EFL1: variants seen among roughly 807,000 people sequenced by gnomAD.
The protein encoded by EFL1 is elongation factor-like GTPase 1.
EFL1 carries 76 observed loss-of-function variants against 126.7 expected under a neutral mutation model. The ratio of observed to expected loss-of-function variants is 0.60; its 90% CI spans 0.50 to 0.73. The LOEUF is 0.73. Among genes scored for constraint, EFL1 ranks in the 30% least tolerant of loss-of-function variants. The pLI is 0.00. For missense variants in EFL1, 1,128 were observed against 1,343.2 expected (o/e 0.84, Z 2.50); for synonymous variants, 410 against 448.4 (o/e 0.91, Z 1.08).
Position 82,151,607 on chromosome 15 carries a change from T to C in EFL1, c.2847A>G (p.Pro949=), listed in dbSNP as rs1347106587. Residue 949 remains proline, a synonymous_variant, in exon 18 of 20, where the codon CCA becomes CCG. Transcript: ENST00000268206. ...AGAAAGGTCCATAGCAGTCAGTGAG[T>C]GGAGATTCTCCTTTCTGTGATGTCC... ...EKRTSQKGES[P]LTDCYGPFSG... 1 of 1,614,090 alleles carries C rather than the reference T, an allele frequency of 6.2e-7. No individual in the cohort carries two copies. The highest frequency in any genetic ancestry group is 1.1e-5 in the South Asian group (1 of 91,078).
In EFL1 at chr15:82,241,357, C is replaced by G. The variant is rs370998689; in HGVS notation, c.291G>C (p.Val97=). ...CGGTTGATACTTCTGAGGAAAAGTC[C>G]ACGTGTCCTGGAGAGTCTATCAGAT... ...LINLIDSPGH[V]DFSSEVSTAV... is the part of the protein sequence containing the mutation. The change falls in exon 5 of 20, where the codon GTG becomes GTC. Residue 97 remains valine (V), a synonymous_variant. Coordinates refer to ENST00000268206, the MANE Select transcript of EFL1 (RefSeq NM_024580.6). The G allele has an allele frequency of 2.9e-5, 47 of 1,613,866 alleles. No individual in the cohort carries two copies. Among genetic ancestry groups the G allele is most frequent in the Non-Finnish European group, 3.5e-5 (41 of 1,179,900 alleles).
At chr15:82,206,404 A>AATATGGAAACATATT (rs1377760172) in intron 15 of EFL1, among the ~76,000 whole-genome samples, 2 of 152,170 alleles carry the variant, frequency 1.3e-5, no homozygotes, top group East Asian at 3.8e-4. Flanking sequence ...AAACTCAAGT[A>AATATGGAAACATATT]ATATGGAAAC....
At chr15:82,237,347 G>C (rs907774006) in intron 7 of EFL1, among the ~76,000 whole-genome samples, 3 of 152,118 alleles carry the variant, frequency 2.0e-5, no homozygotes, top group African/African-American at 4.8e-5. Context: ...AAATGGGAAA[G>C]GATGTGAAAA....
At chr15:82,203,623 C>A (rs2074494152) in intron 15 of EFL1, among the ~76,000 whole-genome samples, 1 of 152,190 alleles carries the variant, frequency 6.6e-6, no homozygotes, top group South Asian at 2.1e-4. Context: ...TCCACTCACT[C>A]CCCCTTGGCC....
At chr15:82,226,300 C>G (rs778004430) in intron 11 of EFL1, among the ~76,000 whole-genome samples, 14 of 152,208 alleles carry the variant, frequency 9.2e-5, no homozygotes, top group Admixed American at 2.0e-4. Context: ...TCCCGAGTAG[C>G]AGGGACTACA....
At position 82,241,346 on chromosome 15, in the gene EFL1, G is replaced by C. The variant is rs763927623; in HGVS notation, c.302C>G (p.Ser101Ter). 6.2e-7 allele frequency: 1 copy of C among 1,613,878 alleles called. No individual in the cohort carries two copies. The highest frequency in any genetic ancestry group is 8.5e-7 in the Non-Finnish European group (1 of 1,179,900). The change falls in exon 5 of 20, where the codon TCA (serine) becomes TGA (stop). Residue 101 changes from serine (S) to a stop codon, truncating the protein, a stop_gained. Coordinates refer to ENST00000268206, the MANE Select transcript of EFL1 (RefSeq NM_024580.6). LOFTEE classifies it high-confidence loss of function. ...AATGCGAACAGCGGTTGATACTTCT[G>C]AGGAAAAGTCCACGTGTCCTGGAGA... ...IDSPGHVDFS[S>*]EVSTAVRICD...
At chr15:82,147,265 G>A (rs947098918) in intron 18 of EFL1, among the ~76,000 whole-genome samples, 10 of 152,126 alleles carry the variant, frequency 6.6e-5, no homozygotes, top group African/African-American at 2.4e-4. Flanking sequence ...ATTATTTTGG[G>A]AGGAAATACA....
At chr15:82,238,671 G>T in intron 6 of EFL1, 150 bp from the exon 7 acceptor site, 1 of 653,752 alleles carries the variant, frequency 1.5e-6, no homozygotes, top group East Asian at 2.7e-5. Context: ...TTCATAATCA[G>T]TGAATAACTT....
chr15:82,228,961 G>A, intron 9 of EFL1, 73 bp downstream of exon 9: 1 of 1,222,764 alleles, frequency 8.2e-7, no homozygotes, highest in Non-Finnish European at 1.2e-6. Context: ...TCTGAAATAT[G>A]ACTCATCAAA....
rs923891800 is a variant in EFL1, at chr15:82,214,573, T to C, written c.1750+144A>G. On this transcript the variant is annotated intron_variant, in intron 15 of 19. Transcript: ENST00000268206. ...CTGATCTCCATGTGAGTTACTCCAA[T>C]GTACTAAGTTAAAGATACCAGAAAA... The C allele has an allele frequency of 1.3e-4, 119 of 918,196 alleles. 1 individual carries two copies. Among genetic ancestry groups the C allele is most frequent in the Middle Eastern group, 1.0e-3 (3 of 2,894 alleles). 56.9% of individuals were successfully genotyped at this position (918,196 alleles called of 1,614,324 possible).
chr15:82,253,519 C>G (rs558919121), intron 3 of EFL1, among the ~76,000 whole-genome samples: 1 of 152,054 alleles, frequency 6.6e-6, no homozygotes, highest in Non-Finnish European at 1.5e-5. Flanking sequence ...TGGGGCAGGT[C>G]AAGAACAACT....
intron 15 of EFL1, among the ~76,000 whole-genome samples, chr15:82,169,162 C>T (rs2074108243): frequency 6.6e-6 from 1 of 152,070 alleles, no homozygotes; most frequent in South Asian, 2.1e-4. Context: ...GGAAGAAATT[C>T]CATCTGGGGC....
At position 82,219,735 on chromosome 15, in the gene EFL1, G is replaced by A. The variant is rs745873091; in HGVS notation, c.1528C>T (p.Arg510Trp). The part of the protein sequence containing the change: ...NNQESFIAFA[R>W]VFSGVARRGK... ...CTTCGAGCCACACCACTGAACACCCGAGCAAATGCAATAAAAGACTCTTGG... is the reference window on the plus strand; with the variant it reads ...CTTCGAGCCACACCACTGAACACCCAAGCAAATGCAATAAAAGACTCTTGG... The change falls in exon 14 of 20, where the codon CGG becomes TGG. Residue 510 changes from arginine to tryptophan, a missense_variant. By Grantham distance (101) the Arg-to-Trp change is moderately radical (BLOSUM62 -3). Around this residue, in one of 6 missense-constraint regions of EFL1, gnomAD observed 120 missense variants for 142.1 expected, o/e 0.84. Transcript: ENST00000268206. 7 of 1,613,820 alleles carry A rather than the reference G, an allele frequency of 4.3e-6. No individual in the cohort carries two copies. Among genetic ancestry groups the A allele is most frequent in the South Asian group, 2.2e-5 (2 of 91,068 alleles).
intron 10 of EFL1, among the ~76,000 whole-genome samples, chr15:82,227,989 T>C (rs1159842639): frequency 6.6e-6 from 1 of 152,222 alleles, no homozygotes; most frequent in African/African-American, 2.4e-5. Context: ...AAGTTCACTA[T>C]TAGTAATGTT....
chr15:82,206,784 A>G (rs1400699712), intron 15 of EFL1, among the ~76,000 whole-genome samples: 1 of 152,124 alleles, frequency 6.6e-6, no homozygotes, highest in African/African-American at 2.4e-5. Flanking sequence ...AGCTGACTTC[A>G]TGGGTGCTAA....
At chr15:82,208,652 A>G (rs1595983910) in intron 15 of EFL1, among the ~76,000 whole-genome samples, 1 of 152,350 alleles carries the variant, frequency 6.6e-6, no homozygotes, top group East Asian at 1.9e-4. Context: ...TTTTTAACGC[A>G]GGAATTCAAG....
In EFL1 at chr15:82,138,957, A is replaced by T. The variant is rs573907803; in HGVS notation, c.2990-115T>A. The stretch of plus-strand genomic sequence containing the variant: ...CCATAAATGATTAAATTTGTTCTCA[A>T]TAATGTTGATTTACAAAAGCAAGGA... On this transcript the variant is annotated intron_variant, in intron 18 of 19. Transcript: ENST00000268206. The T allele has an allele frequency of 4.0e-4, 392 of 980,524 alleles. No individual in the cohort carries two copies. In the Middle Eastern group the frequency reaches 5.3e-3, roughly 13 times the overall value. 60.7% of individuals were successfully genotyped at this position (980,524 alleles called of 1,614,324 possible).
intron 18 of EFL1, among the ~76,000 whole-genome samples, chr15:82,140,434 T>A (rs1448068036): frequency 6.6e-6 from 1 of 152,204 alleles, no homozygotes; most frequent in African/African-American, 2.4e-5. Flanking sequence ...TTATTCTCCT[T>A]ACACTCCTGG....
At chr15:82,186,070 C>T (rs1428512042) in intron 15 of EFL1, among the ~76,000 whole-genome samples, 1 of 150,800 alleles carries the variant, frequency 6.6e-6, no homozygotes, top group Non-Finnish European at 1.5e-5. Flanking sequence ...CTAGTATCTT[C>T]TTTTTTTTTG....
Sources: gnomAD v4.1 joint callset for allele counts (sites outside exome capture counted in the v4.1 genomes callset) on GRCh38, gnomAD v4.1.1 for gene constraint, gnomAD v4.1.1 regional missense constraint, MANE v1.5 for transcripts, NCBI Gene and HGNC (gene_info 2026-07-23, HGNC 2026-07-21) for gene names.